Variants in CTSF observed in about 807,000 individuals in gnomAD.
The protein encoded by CTSF is cathepsin F.
CTSF carries 65 observed loss-of-function variants against 63.5 expected under a neutral mutation model. The observed-to-expected ratio is 1.02, with a 90% CI of 0.84 to 1.26. The LOEUF (loss-of-function observed/expected upper bound fraction) is 1.26. Among genes scored for constraint, CTSF ranks in the 50% most tolerant of loss-of-function variants. The pLI is 0.00. For missense variants in CTSF, 641 were observed against 631.0 expected (o/e 1.02, Z -0.17); for synonymous variants, 256 against 258.1 (o/e 0.99, Z 0.08).
At position 66,564,003 on chromosome 11, in the gene CTSF, T is replaced by G. The variant is rs1393957780; in HGVS notation, c.1385A>C (p.Tyr462Ser). 1 of 1,613,800 alleles carries G rather than the reference T, an allele frequency of 6.2e-7. No homozygotes were observed. The highest frequency in any genetic ancestry group is 1.3e-5 in the African/African-American group (1 of 75,016). ...CCCGGACCCACGATGCAAGTAGTAG[T>G]AACCCTGGGGGAGAGGGGGAGCTGG... ...SWGTDWGEKG[Y>S]YYLHRGSGAC... The change falls in exon 13 of 13, where the codon TAC (tyrosine) becomes TCC (serine). Residue 462 changes from tyrosine to serine, a missense_variant. By Grantham distance (144) the Tyr-to-Ser change is moderately radical (BLOSUM62 -2). Transcript: ENST00000310325.
At chr11:66,564,865 C>A (rs1331833741) in intron 9 of CTSF, 22 bp downstream of exon 9, 1 of 1,613,840 alleles carries the variant, frequency 6.2e-7, no homozygotes, top group African/African-American at 1.3e-5. Context: ...CCTGACCTCA[C>A]CTCACCCTGC....
chr11:66,568,255 G>T lies in CTSF; in HGVS notation c.213+19C>A. ...CCTTGGACCCGGGCCTGGCGCCCCC[G>T]CCCCCGGCGCGTCCTCACCCGGCGG... On this transcript the variant is annotated intron_variant, in intron 1 of 12. Coordinates refer to ENST00000310325, the MANE Select transcript of CTSF (RefSeq NM_003793.4). The T allele has an allele frequency of 6.6e-7, 1 of 1,513,018 alleles. No individual in the cohort carries two copies. Among genetic ancestry groups the T allele is most frequent in the Non-Finnish European group, 8.8e-7 (1 of 1,137,026 alleles). 93.7% of individuals were successfully genotyped at this position (1,513,018 alleles called of 1,614,324 possible). A position where few individuals can be genotyped will look rare whatever the true frequency, so the allele number is the denominator to read the frequency against.
In CTSF at chr11:66,566,389, A is replaced by ACCG; in HGVS notation, c.622_623insCGG (p.Leu208delinsProVal). The ACCG allele has an allele frequency of 1.2e-6, 2 of 1,613,904 alleles. No homozygotes were observed. Among genetic ancestry groups the ACCG allele is most frequent in the Non-Finnish European group, 8.5e-7 (1 of 1,179,986 alleles). On this transcript the variant is annotated protein_altering_variant, in exon 5 of 13. Coordinates refer to ENST00000310325, the MANE Select transcript of CTSF (RefSeq NM_003793.4). ...CACCATGTTATTGACAAAGACGGAC[A>ACCG]GGCGCCACCGGGCTTCTGAGGACCA...
At position 66,566,013 on chromosome 11, in the gene CTSF, G is replaced by A. The variant is rs1449931436; in HGVS notation, c.867+9C>T. 3.7e-6 allele frequency: 6 copies of A among 1,613,976 alleles called. No homozygotes were observed. The Admixed American group carries it at 8.3e-5, about 22-fold the overall frequency. On this transcript the variant is annotated intron_variant, in intron 6 of 12. Coordinates refer to ENST00000310325, the MANE Select transcript of CTSF (RefSeq NM_003793.4). ...GCCCATGTCCCACCCTCACTTCCAG[G>A]GGTCCAACCTGGTCTTTGACTTTTG...
At position 66,566,312 on chromosome 11, in the gene CTSF, T is replaced by A. The variant is rs149533017; in HGVS notation, c.700A>T (p.Thr234Ser). 38 of 1,614,064 alleles carry A rather than the reference T, an allele frequency of 2.4e-5. No individual in the cohort carries two copies. Among genetic ancestry groups the A allele is most frequent in the Non-Finnish European group, 3.1e-5 (37 of 1,180,026 alleles). Reference sequence around the variant, plus strand: ...CTACCTGTGAGATCACTGAACTTGGTGACTCCATACTGAGCTGTGCCACGG... The same window carrying A: ...CTACCTGTGAGATCACTGAACTTGGAGACTCCATACTGAGCTGTGCCACGG... ...LDRGTAQYGV[T>S]KFSDLTEEEF... Residue 234 changes from threonine (T) to serine (S), a missense_variant, in exon 5 of 13, where the codon ACC (threonine) becomes TCC (serine). Transcript: ENST00000310325.
chr11:66,567,862 G>A, intron 2 of CTSF, 122 bp downstream of exon 2: 6 of 1,414,054 alleles, frequency 4.2e-6, no homozygotes, highest in East Asian at 2.3e-5. Flanking sequence ...CGGGGCCTGG[G>A]AAGTGGCTCA....
chr11:66,565,728 C>G lies in CTSF; in HGVS notation c.988G>C (p.Asp330His), dbSNP rs750069810. Reference sequence around the variant, plus strand: ...GGCAAGCCGCCCATGCAGGCCTTGTCCATCTTGTCACAGTCCAAGAGCTCT... The same window carrying G: ...GGCAAGCCGCCCATGCAGGCCTTGTGCATCTTGTCACAGTCCAAGAGCTCT... The part of the protein sequence containing the change: ...EQELLDCDKM[D>H]KACMGGLPSN... The change falls in exon 8 of 13, where the codon GAC (aspartate) becomes CAC (histidine). Residue 330 changes from aspartate to histidine, a missense_variant. By Grantham distance (81) the Asp-to-His change is moderately conservative (BLOSUM62 -1). Transcript: ENST00000310325. 1.2e-6 allele frequency: 2 copies of G among 1,613,862 alleles called. No individual in the cohort carries two copies. The highest frequency in any genetic ancestry group is 3.3e-5 in the Admixed American group (2 of 60,034).
At chr11:66,567,738 G>A (rs946924166) in intron 2 of CTSF, 76 bp from the exon 3 acceptor site, 2 of 1,540,828 alleles carry the variant, frequency 1.3e-6, no homozygotes, top group Non-Finnish European at 1.7e-6. Flanking sequence ...AGATGGAGCT[G>A]GAGGCTCCTC....
rs1313822481 is a variant in CTSF, at chr11:66,565,704, G to A, written c.1012C>T (p.Pro338Ser). The A allele has an allele frequency of 2.5e-6, 4 of 1,613,586 alleles. No individual in the cohort carries two copies. The highest frequency in any genetic ancestry group is 1.1e-5 in the South Asian group (1 of 91,088). Residue 338 changes from proline (P) to serine (S), a missense_variant, in exon 8 of 13, where the codon CCC (proline) becomes TCC (serine). By Grantham distance (74) the Pro-to-Ser change is moderately conservative. Coordinates refer to ENST00000310325, the MANE Select transcript of CTSF (RefSeq NM_003793.4). ...TTTATGGCCGAGTAGGCATTGGAGG[G>A]CAAGCCGCCCATGCAGGCCTTGTCC... ...KMDKACMGGL[P>S]SNAYSAIKNL...
intron 4 of CTSF, among the ~76,000 whole-genome samples, chr11:66,566,732 T>TC (rs1209154152): frequency 1.3e-5 from 2 of 151,924 alleles, no homozygotes; most frequent in African/African-American, 4.8e-5. Flanking sequence ...AGCTTCTTTT[T>TC]TTTTTTTTTG....
chr11:66,567,219 C>T (rs1187120304), intron 4 of CTSF, 27 bp downstream of exon 4: 5 of 1,612,756 alleles, frequency 3.1e-6, no homozygotes, highest in Non-Finnish European at 3.4e-6. Context: ...CTGATAGGAA[C>T]AGGTACAGCC....
chr11:66,567,903 C>T (rs1163158703), intron 2 of CTSF, 81 bp downstream of exon 2: 64 of 1,494,910 alleles, frequency 4.3e-5, no homozygotes, highest in Non-Finnish European at 5.7e-5. Context: ...CAGATCCCTG[C>T]GTCTTGACCT....
At chr11:66,567,879 G>C (rs1565313507) in intron 2 of CTSF, 105 bp downstream of exon 2, 3 of 1,447,582 alleles carry the variant, frequency 2.1e-6, no homozygotes, top group Non-Finnish European at 2.8e-6. Context: ...CTCAAGGTGG[G>C]GCAGCAGCTA....
In CTSF at chr11:66,565,831, C is replaced by T; in HGVS notation, c.964G>A (p.Glu322Lys). 1 of 1,613,952 alleles carries T rather than the reference C, an allele frequency of 6.2e-7. No homozygotes were observed. Among genetic ancestry groups the T allele is most frequent in the South Asian group, 1.1e-5 (1 of 91,088 alleles). The change falls in exon 7 of 13, where the codon GAG becomes AAG. Residue 322 changes from glutamate (E) to lysine (K), a missense_variant and splice_region_variant. Transcript: ENST00000310325. ...CAGAGGAGTAGAGCGAGATGCTCAC[C>T]CTGTTCAGAGAGGGAGAGCAGGGTC... ...QGTLLSLSEQ[E>K]LLDCDKMDKA... is the part of the protein sequence containing the mutation.
In CTSF at chr11:66,563,663, C is replaced by T. The variant is rs1857856658; in HGVS notation, c.*270G>A. The T allele has an allele frequency of 1.7e-6, 1 of 578,794 alleles. No homozygotes were observed. The highest frequency in any genetic ancestry group is 3.0e-5 in the Admixed American group (1 of 33,516). The allele number at this position is 578,794 out of a possible 1,614,324, so 35.9% of individuals were successfully genotyped here. On this transcript the variant is annotated 3_prime_UTR_variant, in exon 13 of 13. Coordinates refer to ENST00000310325, the MANE Select transcript of CTSF (RefSeq NM_003793.4). Reference sequence around the variant, plus strand: ...CATTACCCAAGCCCAGAGTTCTTGCCCCAGCTTCAACTGCCAAGATACCAC... The same window carrying T: ...CATTACCCAAGCCCAGAGTTCTTGCTCCAGCTTCAACTGCCAAGATACCAC...
chr11:66,564,336 C>T, intron 11 of CTSF, 190 bp from the exon 12 acceptor site: 4 of 799,180 alleles, frequency 5.0e-6, no homozygotes, highest in Middle Eastern at 3.7e-4. Context: ...CACGCACCCA[C>T]CCGCCTATTG....
Position 66,564,804 on chromosome 11 carries a change from G to A in CTSF, c.1168C>T (p.Leu390=). The change falls in exon 10 of 13, where the codon CTG becomes TTG. Residue 390 remains leucine (L), a splice_region_variant and synonymous_variant. Transcript: ENST00000310325. ...SVELSQNEQK[L]AAWLAKRGPI... ...CCTCTCTTGGCCAGCCAGGCTGCCA[G>A]CTCTGAGATGGGAAGGGGTGGCATC... 1 of 1,614,078 alleles carries A rather than the reference G, an allele frequency of 6.2e-7. No homozygotes were observed. The highest frequency in any genetic ancestry group is 8.5e-7 in the Non-Finnish European group (1 of 1,180,002).
chr11:66,566,452 AAAGG>A (rs1857935322), intron 4 of CTSF, 48 bp from the exon 5 acceptor site: 2 of 1,575,808 alleles, frequency 1.3e-6, no homozygotes, highest in African/African-American at 2.7e-5. Context: ...CAGGCAGATA[AAAGG>A]AAGGGCAATT....
chr11:66,568,302 A>G lies in CTSF; in HGVS notation c.185T>C (p.Leu62Pro). 1.5e-6 allele frequency: 2 copies of G among 1,366,054 alleles called. No individual in the cohort carries two copies. Among genetic ancestry groups the G allele is most frequent in the Non-Finnish European group, 1.9e-6 (2 of 1,071,374 alleles). 84.6% of individuals were successfully genotyped at this position (1,366,054 alleles called of 1,614,324 possible). Residue 62 changes from leucine to proline, a missense_variant, in exon 1 of 13, where the codon CTG becomes CCG. By Grantham distance (98) the Leu-to-Pro change is moderately conservative. Transcript: ENST00000310325. ...GCGGACGCGGCCGCGCACAAGGCCC[A>G]GCACGGCCCGCGTCCCCGCAGCCCG... Reference protein sequence around the residue: ...RGRAAGTRAVLGLVRGRVRRA... With the variant: ...RGRAAGTRAVPGLVRGRVRRA...
Sources: gnomAD v4.1 joint callset for allele counts (sites outside exome capture counted in the v4.1 genomes callset) on GRCh38, gnomAD v4.1.1 for gene constraint, MANE v1.5 for transcripts, NCBI Gene and HGNC (gene_info 2026-07-23, HGNC 2026-07-21) for gene names.